The following MRC1 variants were observed in gnomAD, a reference collection of about 807,000 sequenced individuals.
The protein encoded by MRC1 is macrophage mannose receptor 1.
MRC1 carries 62 observed loss-of-function variants against 102.9 expected under a neutral mutation model. The ratio of observed to expected loss-of-function variants is 0.60; its 90% CI spans 0.49 to 0.74. The LOEUF is 0.74. Among genes scored for constraint, MRC1 ranks in the 30% least tolerant of loss-of-function variants. MRC1 has a pLI of 0.00. For synonymous variants in MRC1, 457 were observed against 298.4 expected (o/e 1.53, Z -5.48); for missense variants, 1,237 against 862.8 (o/e 1.43, Z -5.43).
chr10:17,862,453 A>G lies in MRC1; in HGVS notation c.1634+951A>G, dbSNP rs981602606. On this transcript the variant is annotated intron_variant, in intron 10 of 29. Coordinates refer to ENST00000569591, the MANE Select transcript of MRC1 (RefSeq NM_002438.4). The stretch of plus-strand genomic sequence containing the variant: ...ACCATGAGATCATATTCTGGTCTGC[A>G]CTATAATTGATCTTTTGGTCTATTG... Among the ~76,000 whole-genome samples the G allele has an allele frequency of 3.1e-3, 465 of 152,294 alleles. 1 individual carries two copies. Among genetic ancestry groups the G allele is most frequent in the African/African-American group, 0.011 (448 of 41,576 alleles).
Position 17,885,517 on chromosome 10 carries a change from AG to A in MRC1, c.3147+83del, listed in dbSNP as rs1444292769. 8 of 747,312 alleles carry A rather than the reference AG, an allele frequency of 1.1e-5. No individual in the cohort carries two copies. The African/African-American group carries it at 1.4e-4, about 13-fold the overall frequency. The allele number at this position is 747,312 out of a possible 1,614,324, so 46.3% of individuals were successfully genotyped here. Reference sequence around the variant, plus strand: ...ATCTTATTGATTACTGTTCCATGAAAGAATCTACCAGAATACTCCTTGATCT... The same window carrying A: ...ATCTTATTGATTACTGTTCCATGAAAAATCTACCAGAATACTCCTTGATCT... On this transcript the variant is annotated intron_variant, in intron 22 of 29. Coordinates refer to ENST00000569591, the MANE Select transcript of MRC1 (RefSeq NM_002438.4).
rs1029953920 is a variant in MRC1 at position 17,842,254 on chromosome 10, G to T, written c.916+1448G>T. On this transcript the variant is annotated intron_variant, in intron 5 of 29. Coordinates refer to ENST00000569591, the MANE Select transcript of MRC1 (RefSeq NM_002438.4). Reference sequence around the variant, plus strand: ...GCTGGGATTACAGGCGTGAGCCACTGCGCCTGGCGAAAATCTCCATTTTCT... The same window carrying T: ...GCTGGGATTACAGGCGTGAGCCACTTCGCCTGGCGAAAATCTCCATTTTCT... Among the ~76,000 whole-genome samples the T allele has an allele frequency of 3.3e-5, 5 of 152,304 alleles. 1 individual carries two copies. Among genetic ancestry groups the T allele is most frequent in the African/African-American group, 9.6e-5 (4 of 41,584 alleles).
At chr10:17,816,695 A>C (rs1554837916) in intron 1 of MRC1, among the ~76,000 whole-genome samples, 2 of 152,162 alleles carry the variant, frequency 1.3e-5, no homozygotes, top group Non-Finnish European at 2.9e-5. Context: ...AATAGTATAA[A>C]TCTGGAGGCA....
chr10:17,874,249 G>A (rs1288669954), intron 16 of MRC1, among the ~76,000 whole-genome samples: 3 of 152,128 alleles, frequency 2.0e-5, no homozygotes, highest in African/African-American at 7.2e-5. Context: ...GGCTCTGAGG[G>A]AGATTCTCTT....
intron 22 of MRC1, among the ~76,000 whole-genome samples, chr10:17,893,527 G>A (rs992983725): frequency 6.6e-6 from 1 of 151,938 alleles, no homozygotes; most frequent in South Asian, 2.1e-4. Context: ...AAATGGGGCA[G>A]GCAGCATGTG....
At chr10:17,873,522 A>G (rs911452022) in intron 15 of MRC1, among the ~76,000 whole-genome samples, 2 of 151,354 alleles carry the variant, frequency 1.3e-5, no homozygotes, top group East Asian at 3.9e-4. Flanking sequence ...ATATAATGCT[A>G]CTTGTGCCTG....
intron 6 of MRC1, among the ~76,000 whole-genome samples, chr10:17,848,679 T>G (rs1409682765): frequency 1.1e-4 from 17 of 152,214 alleles, no homozygotes; most frequent in African/African-American, 3.9e-4. Flanking sequence ...ATTTAAAAAT[T>G]TTCACCTATA....
At chr10:17,903,847 T>C (rs1833862086) in intron 26 of MRC1, among the ~76,000 whole-genome samples, 1 of 152,106 alleles carries the variant, frequency 6.6e-6, no homozygotes, top group South Asian at 2.1e-4. Flanking sequence ...TCCCAGCTAC[T>C]TGGGAAGCTG....
chr10:17,879,652 T>C, intron 18 of MRC1, 69 bp from the exon 19 acceptor site: 1 of 780,714 alleles, frequency 1.3e-6, no homozygotes, highest in Non-Finnish European at 2.4e-6. Context: ...CGTGAGCCAC[T>C]GCTCCTGGCC....
intron 8 of MRC1, among the ~76,000 whole-genome samples, chr10:17,854,133 G>C (rs1168013586): frequency 1.3e-5 from 2 of 152,036 alleles, no homozygotes; most frequent in Non-Finnish European, 2.9e-5. Flanking sequence ...TGTATTTTTG[G>C]TACAGATGGA....
chr10:17,837,275 A>ATT (rs1838681248), intron 4 of MRC1, among the ~76,000 whole-genome samples: 1 of 152,228 alleles, frequency 6.6e-6, no homozygotes, highest in Non-Finnish European at 1.5e-5. Context: ...CTGGATAAGA[A>ATT]TGGCATCTCT....
intron 17 of MRC1, 135 bp downstream of exon 17, chr10:17,875,388 T>G (rs1236812968): frequency 2.9e-6 from 2 of 688,172 alleles, no homozygotes. Context: ...TACGCTGTAC[T>G]GAATGTGTAG....
chr10:17,858,342 T>C (rs1248129746), intron 9 of MRC1, among the ~76,000 whole-genome samples: 2 of 152,202 alleles, frequency 1.3e-5, no homozygotes, highest in African/African-American at 4.8e-5. Context: ...GGTGGTTCTC[T>C]CTGATTGATT....
At chr10:17,841,734 A>C (rs1838754028) in intron 5 of MRC1, among the ~76,000 whole-genome samples, 1 of 144,706 alleles carries the variant, frequency 6.9e-6, no homozygotes. Flanking sequence ...ATCCCACCCC[A>C]GTGCCATTTT....
intron 26 of MRC1, among the ~76,000 whole-genome samples, chr10:17,904,134 C>T (rs1430145086): frequency 1.3e-5 from 2 of 152,176 alleles, no homozygotes; most frequent in African/African-American, 4.8e-5. Context: ...TATTGTTTTA[C>T]ACAGTTATCT....
rs1464065653 is a variant in MRC1, at chr10:17,829,777, GA to G, written c.637+2063del. Among the ~76,000 whole-genome samples the G allele has an allele frequency of 2.6e-3, 401 of 151,578 alleles. 27 individuals are homozygous for G. Among genetic ancestry groups the G allele is most frequent in the African/African-American group, 9.4e-3 (384 of 40,860 alleles). On this transcript the variant is annotated intron_variant, in intron 3 of 29. Transcript: ENST00000569591. ...TCCACATCCTTTGAAATTGACAAAG[GA>G]GTTAGATGAATGTGTGATTTCCTGA...
intron 1 of MRC1, among the ~76,000 whole-genome samples, chr10:17,813,700 A>ATATATATATATATAT (rs1401200082): frequency 4.8e-5 from 6 of 125,694 alleles, no homozygotes; most frequent in South Asian, 5.0e-4. Flanking sequence ...ATATATATAT[A>ATATATATATATATAT]TTTTTTTTTT....
intron 1 of MRC1, among the ~76,000 whole-genome samples, chr10:17,817,295 G>A (rs1353849642): frequency 1.3e-5 from 2 of 151,294 alleles, no homozygotes; most frequent in African/African-American, 4.9e-5. Context: ...TATGTTACTG[G>A]ATGTTTAGTC....
At chr10:17,878,161 C>G (rs1833462812) in intron 18 of MRC1, among the ~76,000 whole-genome samples, 194 bp downstream of exon 18, 1 of 152,136 alleles carries the variant, frequency 6.6e-6, no homozygotes, top group African/African-American at 2.4e-5. Flanking sequence ...TCCAAACAAA[C>G]AACTCAAAAT....
Sources: gnomAD v4.1 joint callset for allele counts (sites outside exome capture counted in the v4.1 genomes callset) on GRCh38, gnomAD v4.1.1 for gene constraint, MANE v1.5 for transcripts, NCBI Gene and HGNC (gene_info 2026-07-23, HGNC 2026-07-21) for gene names.